Variants in NLK observed in about 807,000 individuals in gnomAD.
The protein encoded by NLK is serine/threonine-protein kinase NLK.
A neutral mutation model predicts 59.0 loss-of-function variants in NLK; 11 were observed. The observed-to-expected ratio is 0.19, with a 90% CI of 0.12 to 0.31. The LOEUF (loss-of-function observed/expected upper bound fraction) is 0.31, where lower values mean the gene tolerates loss of function less well. NLK is among the 10% of genes least tolerant of loss of function. The pLI, the probability that NLK is intolerant of heterozygous loss-of-function variation, is 1.00. For synonymous variants in NLK, 235 were observed against 235.9 expected (o/e 1.00, Z 0.03); for missense variants, 410 against 661.1 (o/e 0.62, Z 4.16).
At chr17:28,072,479 C>T (rs921363494) in intron 1 of NLK, among the ~76,000 whole-genome samples, 1 of 151,940 alleles carries the variant, frequency 6.6e-6, no homozygotes, top group Non-Finnish European at 1.5e-5. Flanking sequence ...TCACATGCCA[C>T]CACGCCCAAC....
At chr17:28,068,527 T>G (rs1909909012) in intron 1 of NLK, among the ~76,000 whole-genome samples, 1 of 152,202 alleles carries the variant, frequency 6.6e-6, no homozygotes, top group Non-Finnish European at 1.5e-5. Context: ...TGATACCATT[T>G]TGGGGGGGAA....
the NLK span, among the ~76,000 whole-genome samples, chr17:28,205,835 C>A: frequency 6.6e-6 from 1 of 152,056 alleles, no homozygotes; most frequent in African/African-American, 2.4e-5. Context: ...TTCATCCATG[C>A]AAGTAAGTTT....
chr17:28,043,164 G>A lies in NLK; in HGVS notation c.291G>A (p.Pro97=). The A allele has an allele frequency of 1.9e-6, 3 of 1,613,692 alleles. No individual in the cohort carries two copies. The highest frequency in any genetic ancestry group is 2.5e-6 in the Non-Finnish European group (3 of 1,179,766). ...AACAACAGCCATATTTCCCATCACC[G>A]GCACCGGGGCAGGCTCCTGGACCAG... ...PGQQQPYFPS[P]APGQAPGPAA... is the part of the protein sequence containing the mutation. Residue 97 remains proline (P), a synonymous_variant, in exon 1 of 11, where the codon CCG becomes CCA. Coordinates refer to ENST00000407008, the MANE Select transcript of NLK (RefSeq NM_016231.5).
intron 3 of NLK, among the ~76,000 whole-genome samples, chr17:28,148,964 AT>A (rs534784724): frequency 5.3e-4 from 80 of 152,340 alleles, no homozygotes; most frequent in African/African-American, 1.7e-3. Context: ...TGTTGTGGGG[AT>A]TCATGAAATA....
At chr17:28,103,890 A>G (rs1386939500) in intron 1 of NLK, among the ~76,000 whole-genome samples, 3 of 152,164 alleles carry the variant, frequency 2.0e-5, no homozygotes, top group African/African-American at 7.2e-5. Flanking sequence ...CACTCACTCT[A>G]TTTCTGTTGT....
chr17:28,115,630 C>T (rs1657193050), intron 1 of NLK, among the ~76,000 whole-genome samples: 1 of 152,170 alleles, frequency 6.6e-6, no homozygotes, highest in African/African-American at 2.4e-5. Flanking sequence ...CCTTAGCACA[C>T]TTAAATTTAT....
At chr17:28,106,491 T>C (rs1042463142) in intron 1 of NLK, among the ~76,000 whole-genome samples, 4 of 152,128 alleles carry the variant, frequency 2.6e-5, no homozygotes, top group African/African-American at 9.7e-5. Flanking sequence ...AACACTTGAA[T>C]AAGAGATAAT....
chr17:28,060,878 A>G (rs1161540869), intron 1 of NLK, among the ~76,000 whole-genome samples: 2 of 152,202 alleles, frequency 1.3e-5, no homozygotes, highest in Admixed American at 1.3e-4. Flanking sequence ...CTTTGGAGCA[A>G]TCATTGACCT....
chr17:28,051,182 G>A (rs142527459), intron 1 of NLK, among the ~76,000 whole-genome samples: 340 of 152,106 alleles, frequency 2.2e-3, no homozygotes, highest in Admixed American at 3.7e-3. Flanking sequence ...ATTTGAGAGA[G>A]TGATTGTGTT....
intron 1 of NLK, among the ~76,000 whole-genome samples, chr17:28,092,983 C>T (rs923549689): frequency 2.6e-5 from 4 of 151,730 alleles, no homozygotes; most frequent in East Asian, 3.9e-4. Context: ...TTAGTAGAGA[C>T]GGGGTTTCAC....
At chr17:28,051,450 C>T (rs995354052) in intron 1 of NLK, among the ~76,000 whole-genome samples, 10 of 151,820 alleles carry the variant, frequency 6.6e-5, no homozygotes, top group South Asian at 4.2e-4. Context: ...CCTCCACCTC[C>T]CAGGTTCAAG....
chr17:28,179,847 T>C, intron 7 of NLK, among the ~76,000 whole-genome samples: 1 of 150,556 alleles, frequency 6.6e-6, no homozygotes, highest in East Asian at 1.9e-4. Context: ...TGCCCAGTTC[T>C]AGGGCATATT....
chr17:28,134,599 T>C (rs1906659561), intron 3 of NLK, among the ~76,000 whole-genome samples: 4 of 152,210 alleles, frequency 2.6e-5, no homozygotes, highest in African/African-American at 9.6e-5. Flanking sequence ...CCAAGGGTCC[T>C]GGAACCAATC....
intron 1 of NLK, among the ~76,000 whole-genome samples, chr17:28,105,572 T>G (rs1905048305): frequency 6.6e-6 from 1 of 152,238 alleles, no homozygotes; most frequent in Non-Finnish European, 1.5e-5. Context: ...GTTGCTGATG[T>G]CATTTGTTAG....
intron 1 of NLK, among the ~76,000 whole-genome samples, chr17:28,057,587 G>T (rs900795812): frequency 6.6e-6 from 1 of 152,122 alleles, no homozygotes; most frequent in Non-Finnish European, 1.5e-5. Flanking sequence ...TTTATCTCAG[G>T]TTGAGACTTA....
At chr17:28,122,830 A>G in intron 2 of NLK, 98 bp downstream of exon 2, 1 of 1,380,086 alleles carries the variant, frequency 7.2e-7, no homozygotes, top group South Asian at 1.3e-5. Flanking sequence ...CTATAAGTAA[A>G]ATTTGGAAAT....
At chr17:28,100,556 AGT>A (rs1904869762) in intron 1 of NLK, among the ~76,000 whole-genome samples, 9 of 152,198 alleles carry the variant, frequency 5.9e-5, no homozygotes. Flanking sequence ...ATCTGCATAA[AGT>A]GTGGAGACCT....
At chr17:28,143,924 ACAC>A (rs1483736350) in intron 3 of NLK, among the ~76,000 whole-genome samples, 1 of 152,226 alleles carries the variant, frequency 6.6e-6, no homozygotes, top group African/African-American at 2.4e-5. Context: ...TATTTATACA[ACAC>A]CTTGTCATCG....
intron 1 of NLK, among the ~76,000 whole-genome samples, chr17:28,078,779 C>G (rs993899377): frequency 6.6e-6 from 1 of 152,020 alleles, no homozygotes; most frequent in African/African-American, 2.4e-5. Flanking sequence ...AGCACCCATT[C>G]TCTCAATTGT....
Sources: gnomAD v4.1 joint callset for allele counts (sites outside exome capture counted in the v4.1 genomes callset) on GRCh38, gnomAD v4.1.1 for gene constraint, MANE v1.5 for transcripts, NCBI Gene and HGNC (gene_info 2026-07-23, HGNC 2026-07-21) for gene names.